OSBPL9: variants seen among roughly 807,000 people sequenced by gnomAD.
OSBPL9 encodes the protein oxysterol binding protein like 9, also known as oxysterol-binding protein-related protein 9.
A neutral mutation model predicts 106.6 loss-of-function variants in OSBPL9; 40 were observed. That is an observed-to-expected ratio of 0.38 (90% CI 0.29 to 0.49). The LOEUF (loss-of-function observed/expected upper bound fraction) is 0.49. OSBPL9 is among the 20% of genes least tolerant of loss of function. The pLI is 0.97. For synonymous variants in OSBPL9, 269 were observed against 295.4 expected (o/e 0.91, Z 0.92); for missense variants, 609 against 887.2 (o/e 0.69, Z 3.98).
At chr1:51,730,222 C>T in intron 4 of OSBPL9, 5 of 1,153,748 alleles carry the variant, frequency 4.3e-6, no homozygotes, top group Non-Finnish European at 4.4e-6. Context: ...GCCTCCAGTT[C>T]CACCGAGAGG....
chr1:51,548,735 A>T, the OSBPL9 span, among the ~76,000 whole-genome samples: 8 of 152,340 alleles, frequency 5.3e-5, no homozygotes, highest in Middle Eastern at 3.4e-3. Context: ...TCAAAATAAA[A>T]GGCAAAAGAA....
At chr1:51,566,688 G>A in the OSBPL9 span, 1 of 152,146 alleles carries the variant, frequency 6.6e-6, no homozygotes, top group Non-Finnish European at 1.5e-5. Context: ...CCATTTTTCT[G>A]GTTAACCTTA....
rs552126338 is a variant in OSBPL9, at chr1:51,617,269, C to T, written c.111+48C>T. ...TCCAGGCGCCTCGGGGCCGCGTTTCCTGGGTGGAGGTGGGGGACCGGGGTT... is the reference window on the plus strand; with the variant it reads ...TCCAGGCGCCTCGGGGCCGCGTTTCTTGGGTGGAGGTGGGGGACCGGGGTT... On this transcript the variant is annotated intron_variant, in intron 1 of 23. Coordinates refer to ENST00000428468, the MANE Select transcript of OSBPL9 (RefSeq NM_024586.6). The T allele has an allele frequency of 4.5e-5, 69 of 1,546,562 alleles. No individual in the cohort carries two copies. The South Asian group carries it at 5.6e-4, about 13-fold the overall frequency.
At chr1:51,704,381 G>A (rs1197186257) in intron 3 of OSBPL9, among the ~76,000 whole-genome samples, 6 of 152,180 alleles carry the variant, frequency 3.9e-5, no homozygotes, top group African/African-American at 1.4e-4. Flanking sequence ...GGGTGTATGT[G>A]TCGAGGAATT....
intron 3 of OSBPL9, among the ~76,000 whole-genome samples, chr1:51,710,799 C>G (rs1659637108): frequency 6.6e-6 from 1 of 152,106 alleles, no homozygotes; most frequent in Admixed American, 6.5e-5. Flanking sequence ...AAAGATATTT[C>G]CTATATCTTT....
intron 4 of OSBPL9, among the ~76,000 whole-genome samples, chr1:51,723,267 T>C (rs183306670): frequency 6.6e-6 from 1 of 152,354 alleles, no homozygotes; most frequent in Admixed American, 6.5e-5. Flanking sequence ...ATAGTAATTT[T>C]GCTACCCTAA....
At chr1:51,519,010 A>AG in the OSBPL9 span, among the ~76,000 whole-genome samples, 26 of 151,178 alleles carry the variant, frequency 1.7e-4, no homozygotes, top group South Asian at 4.2e-4. Context: ...CGGCGGCCGC[A>AG]GGGGGGCTCC....
chr1:51,697,115 A>G (rs1656186958), intron 3 of OSBPL9, among the ~76,000 whole-genome samples: 1 of 151,900 alleles, frequency 6.6e-6, no homozygotes, highest in African/African-American at 2.4e-5. Flanking sequence ...AGCTATGATC[A>G]TGCCACTGCT....
At chr1:51,644,078 TAAAAAAA>T (rs968921768) in intron 1 of OSBPL9, among the ~76,000 whole-genome samples, 66 of 43,250 alleles carry the variant, frequency 1.5e-3, no homozygotes, top group Admixed American at 4.5e-3. Flanking sequence ...AGACCTTGTC[TAAAAAAA>T]AAAAAAAAAA....
In OSBPL9 at chr1:51,729,745, A is replaced by C. The variant is rs1003478540; in HGVS notation, c.318+15666A>C. 50 of 1,089,078 alleles carry C rather than the reference A, an allele frequency of 4.6e-5. No homozygotes were observed. The highest frequency in any genetic ancestry group is 5.7e-5 in the Non-Finnish European group (49 of 855,844). 67.5% of individuals were successfully genotyped at this position (1,089,078 alleles called of 1,614,324 possible). A position where few individuals can be genotyped will look rare whatever the true frequency, so the allele number is the denominator to read the frequency against. On this transcript the variant is annotated intron_variant, in intron 4 of 23. Transcript: ENST00000428468. The surrounding 1 kb of genome is among the most constrained non-coding windows in gnomAD (Gnocchi z 5.1). ...GCCAATCGCCAGGGGTCTCTTTGCCAGGAGCCGCCAGGGCCAGCCAATCGG... is the reference window on the plus strand; with the variant it reads ...GCCAATCGCCAGGGGTCTCTTTGCCCGGAGCCGCCAGGGCCAGCCAATCGG...
chr1:51,702,408 G>A (rs1174545201), intron 3 of OSBPL9, among the ~76,000 whole-genome samples: 3 of 152,192 alleles, frequency 2.0e-5, no homozygotes, highest in African/African-American at 7.2e-5. Context: ...GTGATGATGA[G>A]CATTTTTTCA....
Position 51,758,382 on chromosome 1 carries a change from C to T in OSBPL9, c.582+2024C>T, listed in dbSNP as rs116648498. On this transcript the variant is annotated intron_variant, in intron 9 of 23. Transcript: ENST00000428468. The stretch of plus-strand genomic sequence containing the variant: ...TAAGGGTTAAAACAGTGAGCATTTC[C>T]GTATTACACTGATTCGGGTAGACTG... 6.3e-3 allele frequency among the ~76,000 whole-genome samples: 944 copies of T among 150,840 alleles called. 4 individuals carry two copies. The highest frequency in any genetic ancestry group is 0.022 in the African/African-American group (891 of 40,960).
the OSBPL9 span, among the ~76,000 whole-genome samples, chr1:51,570,350 A>G: frequency 6.6e-6 from 1 of 152,210 alleles, no homozygotes; most frequent in African/African-American, 2.4e-5. Flanking sequence ...CTGCTTTATC[A>G]TGAAGCCATT....
intron 3 of OSBPL9, among the ~76,000 whole-genome samples, chr1:51,703,320 AG>A (rs1255366146): frequency 3.9e-5 from 6 of 152,036 alleles, no homozygotes; most frequent in Non-Finnish European, 7.4e-5. Context: ...TATTTCATTG[AG>A]CAGTGGTTTG....
intron 7 of OSBPL9, among the ~76,000 whole-genome samples, chr1:51,749,773 G>A (rs750634092): frequency 1.5e-5 from 2 of 135,326 alleles, no homozygotes; most frequent in African/African-American, 3.3e-5. Context: ...AGGCTGAGAC[G>A]GGGATCGCTT....
chr1:51,694,826 A>G (rs1655691204), intron 3 of OSBPL9, among the ~76,000 whole-genome samples: 2 of 152,180 alleles, frequency 1.3e-5, no homozygotes, highest in Non-Finnish European at 1.5e-5. Flanking sequence ...TGGTGAATAC[A>G]TGTTTTCCAA....
At chr1:51,719,286 T>C (rs1010871880) in intron 4 of OSBPL9, among the ~76,000 whole-genome samples, 2 of 152,216 alleles carry the variant, frequency 1.3e-5, no homozygotes, top group African/African-American at 4.8e-5. Context: ...TGTCAGCTTA[T>C]GGTATCTTTT....
chr1:51,694,263 C>G (rs939500508), intron 3 of OSBPL9, among the ~76,000 whole-genome samples: 3 of 152,006 alleles, frequency 2.0e-5, no homozygotes, highest in African/African-American at 7.3e-5. Context: ...AATAATTTTC[C>G]CAAACAAATA....
intron 12 of OSBPL9, among the ~76,000 whole-genome samples, chr1:51,766,813 G>A (rs1672656583): frequency 6.6e-6 from 1 of 151,888 alleles, no homozygotes; most frequent in Admixed American, 6.6e-5. Context: ...GCTCACGCCT[G>A]TAATCCCAGC....
Sources: gnomAD v4.1 joint callset for allele counts (sites outside exome capture counted in the v4.1 genomes callset) on GRCh38, gnomAD v4.1.1 for gene constraint, Gnocchi (gnomAD v3.1) non-coding constraint, MANE v1.5 for transcripts, NCBI Gene and HGNC (gene_info 2026-07-23, HGNC 2026-07-21) for gene names.